GNS: variants seen among roughly 807,000 people sequenced by gnomAD.
The protein encoded by GNS is glucosamine (N-acetyl)-6-sulfatase, also known as N-acetylglucosamine-6-sulfatase.
Under a neutral mutation model 69.7 loss-of-function variants are expected in GNS, and 40 were observed. The observed-to-expected ratio is 0.57, with a 90% CI of 0.45 to 0.75. The LOEUF (loss-of-function observed/expected upper bound fraction) is 0.75. Among genes scored for constraint, GNS ranks in the 30% least tolerant of loss-of-function variants. The pLI is 0.00. For synonymous variants in GNS, 243 were observed against 251.6 expected (o/e 0.97, Z 0.32); for missense variants, 565 against 685.5 (o/e 0.82, Z 1.96).
At chr12:64,752,385 G>T (rs2136253066) in intron 2 of GNS, among the ~76,000 whole-genome samples, 1 of 152,196 alleles carries the variant, frequency 6.6e-6, no homozygotes, top group East Asian at 1.9e-4. Context: ...GGTTAATTGG[G>T]TTTTTACCAA....
chr12:64,733,477 G>C (rs1205194521), intron 9 of GNS, among the ~76,000 whole-genome samples: 1 of 152,118 alleles, frequency 6.6e-6, no homozygotes, highest in Non-Finnish European at 1.5e-5. Flanking sequence ...CCCTGATGTT[G>C]AATTTCTGTA....
chr12:64,736,946 CCTT>C, intron 9 of GNS, 55 bp downstream of exon 9: 1 of 865,372 alleles, frequency 1.2e-6, no homozygotes, highest in Non-Finnish European at 2.0e-6. Context: ...GGAGGAAACA[CCTT>C]ATTTTCTCAG....
Position 64,722,992 on chromosome 12 carries a change from A to G in GNS, c.1308+14T>C. The G allele has an allele frequency of 6.9e-7, 1 of 1,459,174 alleles. No individual in the cohort carries two copies. Among genetic ancestry groups the G allele is most frequent in the Non-Finnish European group, 9.6e-7 (1 of 1,038,402 alleles). 90.4% of individuals were successfully genotyped at this position (1,459,174 alleles called of 1,614,324 possible). On this transcript the variant is annotated intron_variant, in intron 11 of 13. Transcript: ENST00000258145. ...GTGAGAAAGCTGTCTAAGTTGATTC[A>G]AGCTATTACTCACAGATACGCCAGG... is the stretch of plus-strand genomic sequence containing the variant.
At chr12:64,728,872 T>C (rs1235737863) in intron 10 of GNS, 84 bp downstream of exon 10, 1 of 738,822 alleles carries the variant, frequency 1.4e-6, no homozygotes, top group African/African-American at 1.8e-5. Flanking sequence ...ATAGTATTAT[T>C]TAATATTTAA....
Position 64,744,722 on chromosome 12 carries a change from A to G in GNS, c.624+87T>C, listed in dbSNP as rs1869846313. On this transcript the variant is annotated intron_variant, in intron 5 of 13. Coordinates refer to ENST00000258145, the MANE Select transcript of GNS (RefSeq NM_002076.4). ...CATTTATATTACCCAACACAAACGA[A>G]TAAGATTATAGGTTTTCTAGGCAGA... is the stretch of plus-strand genomic sequence containing the variant. The G allele has an allele frequency of 1.3e-5, 10 of 773,890 alleles. No homozygotes were observed. The Admixed American group carries it at 1.4e-4, about 11-fold the overall frequency. 47.9% of individuals were successfully genotyped at this position (773,890 alleles called of 1,614,324 possible).
chr12:64,726,518 G>T (rs1382722701), intron 10 of GNS, among the ~76,000 whole-genome samples: 1 of 152,170 alleles, frequency 6.6e-6, no homozygotes, highest in Non-Finnish European at 1.5e-5. Flanking sequence ...AACATTAAAA[G>T]AAACAATATA....
At chr12:64,721,778 C>T in intron 11 of GNS, 73 bp from the exon 12 acceptor site, 1 of 839,686 alleles carries the variant, frequency 1.2e-6, no homozygotes, top group Non-Finnish European at 2.1e-6. Context: ...CCTAGAAGGG[C>T]AATCGGCTTG....
intron 6 of GNS, among the ~76,000 whole-genome samples, chr12:64,742,316 G>A (rs1405216683): frequency 5.3e-5 from 8 of 152,268 alleles, no homozygotes; most frequent in South Asian, 4.1e-4. Flanking sequence ...CACTGCGCCC[G>A]GCCAGTACTC....
chr12:64,745,344 C>T (rs563056384), intron 4 of GNS, among the ~76,000 whole-genome samples: 77 of 150,888 alleles, frequency 5.1e-4, no homozygotes, highest in African/African-American at 1.7e-3. Flanking sequence ...CTCAGCCTCC[C>T]GAGTAGCTGG....
At chr12:64,729,120 A>G in intron 9 of GNS, 63 bp from the exon 10 acceptor site, 1 of 887,724 alleles carries the variant, frequency 1.1e-6, no homozygotes, top group South Asian at 1.3e-5. Context: ...TTCTACCTAT[A>G]CTAAAGTTCT....
At chr12:64,744,638 C>A (rs1448697176) in intron 5 of GNS, among the ~76,000 whole-genome samples, 171 bp downstream of exon 5, 2 of 152,156 alleles carry the variant, frequency 1.3e-5, no homozygotes, top group Non-Finnish European at 2.9e-5. Context: ...AAAGAAAACA[C>A]CCTGAGGAGT....
chr12:64,758,913 G>C (rs1870369792), intron 1 of GNS, among the ~76,000 whole-genome samples, 172 bp downstream of exon 1: 1 of 152,206 alleles, frequency 6.6e-6, no homozygotes, highest in Non-Finnish European at 1.5e-5. Flanking sequence ...GAAAGGAAAA[G>C]AGTATTGCAG....
rs1358864519 is a variant in GNS at position 64,736,985 on chromosome 12, C to T, written c.1098+19G>A. 2 of 1,252,236 alleles carry T rather than the reference C, an allele frequency of 1.6e-6. No homozygotes were observed. The highest frequency in any genetic ancestry group is 4.6e-5 in the East Asian group (2 of 43,268). The allele number at this position is 1,252,236 out of a possible 1,614,324, so 77.6% of individuals were successfully genotyped here. A position where few individuals can be genotyped will look rare whatever the true frequency, so the allele number is the denominator to read the frequency against. ...GCAAGTGCCTACCTGTCCACAGCAC[C>T]AGCTTGTCAGGCACCTACCTTGCTT... On this transcript the variant is annotated intron_variant, in intron 9 of 13. Transcript: ENST00000258145.
At chr12:64,733,341 A>G (rs1426827062) in intron 9 of GNS, among the ~76,000 whole-genome samples, 2 of 150,190 alleles carry the variant, frequency 1.3e-5, no homozygotes, top group Non-Finnish European at 1.5e-5. Flanking sequence ...CCTGGGGCTT[A>G]AATCAAAGGG....
chr12:64,717,385 C>T (rs1868894865), intron 13 of GNS, among the ~76,000 whole-genome samples: 1 of 152,234 alleles, frequency 6.6e-6, no homozygotes, highest in East Asian at 1.9e-4. Context: ...CAGAGTCAGT[C>T]TGTCGCCCAG....
At chr12:64,732,215 TG>T (rs1156586144) in intron 9 of GNS, among the ~76,000 whole-genome samples, 3 of 134,020 alleles carry the variant, frequency 2.2e-5, no homozygotes, top group South Asian at 2.6e-4. Context: ...TCACCCAGGC[TG>T]GAGTACAGTA....
chr12:64,747,700 C>A lies in GNS; in HGVS notation c.459+12G>T. The A allele has an allele frequency of 2.2e-6, 3 of 1,376,068 alleles. No homozygotes were observed. The highest frequency in any genetic ancestry group is 1.2e-5 in the South Asian group (1 of 86,248). 85.2% of individuals were successfully genotyped at this position (1,376,068 alleles called of 1,614,324 possible). On this transcript the variant is annotated intron_variant, in intron 3 of 13. Coordinates refer to ENST00000258145, the MANE Select transcript of GNS (RefSeq NM_002076.4). Reference sequence around the variant, plus strand: ...AGCCATTATAAAAAAAGAAACAGATCATTCAACATACCTCATTTAAATATT... The same window carrying A: ...AGCCATTATAAAAAAAGAAACAGATAATTCAACATACCTCATTTAAATATT...
chr12:64,739,099 C>CA (rs1290842068), intron 8 of GNS, among the ~76,000 whole-genome samples: 3 of 152,144 alleles, frequency 2.0e-5, no homozygotes, highest in Admixed American at 2.0e-4. Context: ...CTTCCTATCT[C>CA]AAATGCCTTC....
chr12:64,743,287 G>GA lies in GNS; in HGVS notation c.645dup (p.Leu216SerfsTer8). On this transcript the variant is annotated frameshift_variant, in exon 6 of 14. Coordinates refer to ENST00000258145, the MANE Select transcript of GNS (RefSeq NM_002076.4). LOFTEE classifies it high-confidence loss of function. ...GGCTCAAAGTTGGACTTGTAGTCCA[G>GA]AAAGTCCAAGGAGACATTAGCCTGA... is the stretch of plus-strand genomic sequence containing the variant. The GA allele has an allele frequency of 6.2e-7, 1 of 1,612,208 alleles. No individual in the cohort carries two copies. The highest frequency in any genetic ancestry group is 2.2e-5 in the East Asian group (1 of 44,870).
Sources: gnomAD v4.1 joint callset for allele counts (sites outside exome capture counted in the v4.1 genomes callset) on GRCh38, gnomAD v4.1.1 for gene constraint, MANE v1.5 for transcripts, NCBI Gene and HGNC (gene_info 2026-07-23, HGNC 2026-07-21) for gene names.